Variants in ZBTB20 observed in about 807,000 individuals in gnomAD.
ZBTB20 encodes zinc finger and BTB domain containing 20, also known as zinc finger and BTB domain-containing protein 20.
A neutral mutation model predicts 56.9 loss-of-function variants in ZBTB20; 9 were observed. The ratio of observed to expected loss-of-function variants is 0.16; its 90% CI spans 0.10 to 0.28. The LOEUF (loss-of-function observed/expected upper bound fraction) is 0.28, where lower values mean the gene tolerates loss of function less well. ZBTB20 is among the 10% of genes least tolerant of loss of function. The probability of loss-of-function intolerance (pLI) is 1.00; values close to 1 mark genes in which losing one functional copy is unlikely to be tolerated. For synonymous variants in ZBTB20, 417 were observed against 420.7 expected, an observed-to-expected ratio of 0.99 and a Z score of 0.11; for missense variants, 655 against 1,003.0, an observed-to-expected ratio of 0.65 and a Z score of 4.69.
At chr3:114,783,833 A>G (rs1268444135) in intron 5 of ZBTB20, among the ~76,000 whole-genome samples, 2 of 151,328 alleles carry the variant, frequency 1.3e-5, no homozygotes, top group African/African-American at 4.8e-5. Flanking sequence ...GATGATGGTG[A>G]TGATGTATGA....
chr3:114,888,789 A>T (rs1176395295), intron 4 of ZBTB20, among the ~76,000 whole-genome samples: 1 of 152,186 alleles, frequency 6.6e-6, no homozygotes, highest in Non-Finnish European at 1.5e-5. Flanking sequence ...CCATTTCTTA[A>T]GTAATACTAA....
At chr3:114,977,831 G>T (rs1281175528) in intron 2 of ZBTB20, among the ~76,000 whole-genome samples, 2 of 151,836 alleles carry the variant, frequency 1.3e-5, no homozygotes, top group Non-Finnish European at 2.9e-5. Flanking sequence ...GCAACATGGT[G>T]AAACCCTGTC....
At chr3:115,015,740 T>A (rs748466767) in intron 2 of ZBTB20, among the ~76,000 whole-genome samples, 8 of 151,952 alleles carry the variant, frequency 5.3e-5, no homozygotes, top group Non-Finnish European at 1.2e-4. Context: ...TTGGGTTGAT[T>A]CCATGTCTCT....
chr3:114,825,521 G>A (rs2073478745), intron 4 of ZBTB20, among the ~76,000 whole-genome samples: 1 of 151,892 alleles, frequency 6.6e-6, no homozygotes, highest in African/African-American at 2.4e-5. Context: ...GAGGCCATGG[G>A]GAGACCATGC....
chr3:114,845,993 AT>A (rs1195306636), intron 4 of ZBTB20, among the ~76,000 whole-genome samples: 1 of 152,136 alleles, frequency 6.6e-6, no homozygotes, highest in Non-Finnish European at 1.5e-5. Flanking sequence ...GATGCTGCTT[AT>A]TTTCATAGAT....
chr3:114,875,579 G>C (rs1459069399), intron 4 of ZBTB20, among the ~76,000 whole-genome samples: 1 of 151,966 alleles, frequency 6.6e-6, no homozygotes, highest in African/African-American at 2.4e-5. Context: ...TAGAAAACAA[G>C]ATATATGATG....
At chr3:115,001,463 T>A (rs1305235358) in intron 2 of ZBTB20, among the ~76,000 whole-genome samples, 1 of 150,802 alleles carries the variant, frequency 6.6e-6, no homozygotes, top group Non-Finnish European at 1.5e-5. Context: ...AAATCACATA[T>A]TAAAAAAGAA....
chr3:114,959,280 A>G (rs186245643), intron 3 of ZBTB20, among the ~76,000 whole-genome samples: 1 of 152,338 alleles, frequency 6.6e-6, no homozygotes, highest in African/African-American at 2.4e-5. Context: ...GAGGGAAAAG[A>G]GAATTGGAAT....
chr3:114,700,214 TC>T (rs2063311059), intron 5 of ZBTB20, among the ~76,000 whole-genome samples: 1 of 152,070 alleles, frequency 6.6e-6, no homozygotes, highest in African/African-American at 2.4e-5. Flanking sequence ...TATTCTTCCT[TC>T]TCTCTCTCTT....
chr3:114,416,945 T>C (rs541872035), intron 7 of ZBTB20, among the ~76,000 whole-genome samples: 4 of 152,132 alleles, frequency 2.6e-5, no homozygotes, highest in Non-Finnish European at 4.4e-5. Flanking sequence ...CCTTTGGTGA[T>C]TCATTCTGAA....
At chr3:114,991,083 G>C (rs753743160) in intron 2 of ZBTB20, among the ~76,000 whole-genome samples, 1 of 151,998 alleles carries the variant, frequency 6.6e-6, no homozygotes, top group Non-Finnish European at 1.5e-5. Context: ...TTTTTTGAAG[G>C]GTTTTTTGTG....
chr3:114,371,240 CTGT>C (rs2082970048), intron 10 of ZBTB20, among the ~76,000 whole-genome samples: 1 of 152,146 alleles, frequency 6.6e-6, no homozygotes, highest in South Asian at 2.1e-4. Flanking sequence ...CTAGATATTA[CTGT>C]TAACTGGATT....
intron 6 of ZBTB20, among the ~76,000 whole-genome samples, chr3:114,559,197 C>A (rs78788556): frequency 0.14 from 20,576 of 152,084 alleles, 1,833 homozygotes; most frequent in Admixed American, 0.26. Flanking sequence ...AAATTAATGA[C>A]CAAACAGTAA....
rs1237534583 is a variant in ZBTB20 at position 114,464,186 on chromosome 3, T to TG, written c.-255+36165dup. On this transcript the variant is annotated intron_variant, in intron 7 of 11. Coordinates refer to ENST00000675478, the MANE Select transcript of ZBTB20 (RefSeq NM_001348800.3). ...ATATTCACTTTTTATTGGCTTTTCT[T>TG]GGGGGGCAATTTATGCACATAAAGT... Among the ~76,000 whole-genome samples the TG allele has an allele frequency of 4.6e-5, 7 of 152,172 alleles. No individual in the cohort carries two copies. In the South Asian group the frequency reaches 8.3e-4, roughly 18 times the overall value.
chr3:115,000,173 T>A (rs903029537), intron 2 of ZBTB20, among the ~76,000 whole-genome samples: 2 of 151,628 alleles, frequency 1.3e-5, no homozygotes, highest in Non-Finnish European at 3.0e-5. Context: ...AAAGTGCTTA[T>A]AAGAGGCAAA....
chr3:114,928,957 G>T (rs1250560780), intron 3 of ZBTB20, among the ~76,000 whole-genome samples: 1 of 152,110 alleles, frequency 6.6e-6, no homozygotes, highest in African/African-American at 2.4e-5. Flanking sequence ...GCACTTAGTT[G>T]GTACAAGGTG....
At chr3:114,434,541 G>GGGTGTGTGTGTGTGTTTGTGT (rs1553711977) in intron 7 of ZBTB20, among the ~76,000 whole-genome samples, 1 of 85,736 alleles carries the variant, frequency 1.2e-5, no homozygotes, top group South Asian at 4.2e-4. Context: ...CTGCAATTGG[G>GGGTGTGTGTGTGTGTTTGTGT]GTGTGTGTGT....
intron 2 of ZBTB20, among the ~76,000 whole-genome samples, chr3:114,992,941 G>T (rs1420147049): frequency 6.6e-6 from 1 of 151,846 alleles, no homozygotes; most frequent in South Asian, 2.1e-4. Context: ...ACAGATCATG[G>T]GTCACAGAAT....
chr3:114,490,111 T>C (rs2042570059), intron 7 of ZBTB20, among the ~76,000 whole-genome samples: 1 of 152,052 alleles, frequency 6.6e-6, no homozygotes, highest in Non-Finnish European at 1.5e-5. Flanking sequence ...GGATGGAGGA[T>C]TATTTATTCA....
Sources: gnomAD v4.1 joint callset for allele counts (sites outside exome capture counted in the v4.1 genomes callset) on GRCh38, gnomAD v4.1.1 for gene constraint, MANE v1.5 for transcripts, NCBI Gene and HGNC (gene_info 2026-07-23, HGNC 2026-07-21) for gene names.